The following GASK1A variants were observed in gnomAD, a reference collection of about 807,000 sequenced individuals.
The protein encoded by GASK1A is Golgi-associated kinase 1A.
Under a neutral mutation model 41.2 loss-of-function variants are expected in GASK1A, and 40 were observed. The ratio of observed to expected loss-of-function variants is 0.97; its 90% CI spans 0.75 to 1.27. The LOEUF (loss-of-function observed/expected upper bound fraction) is 1.27, where lower values mean the gene tolerates loss of function less well. Among genes scored for constraint, GASK1A ranks in the 50% most tolerant of loss-of-function variants. The pLI is 0.00. For synonymous variants in GASK1A, 316 were observed against 307.1 expected, an observed-to-expected ratio of 1.03 and a Z score of -0.30; for missense variants, 678 against 745.1, an observed-to-expected ratio of 0.91 and a Z score of 1.05.
intron 2 of GASK1A, among the ~76,000 whole-genome samples, chr3:43,040,754 T>C (rs950332654): frequency 6.6e-6 from 1 of 151,944 alleles, no homozygotes; most frequent in Non-Finnish European, 1.5e-5. Flanking sequence ...TATTATACTT[T>C]AAGTTTTAGG....
chr3:43,013,292 G>C (rs993254311), intron 1 of GASK1A, among the ~76,000 whole-genome samples: 1 of 151,944 alleles, frequency 6.6e-6, no homozygotes, highest in Non-Finnish European at 1.5e-5. Context: ...ATCGCAGGTA[G>C]AGGCTCTGTG....
chr3:42,993,506 T>C (rs929229357), intron 1 of GASK1A, among the ~76,000 whole-genome samples: 1 of 152,218 alleles, frequency 6.6e-6, no homozygotes, highest in Non-Finnish European at 1.5e-5. Flanking sequence ...TTCAATGTAA[T>C]TGATTATCTT....
chr3:43,017,451 G>A (rs1283074919), intron 1 of GASK1A, among the ~76,000 whole-genome samples: 1 of 151,076 alleles, frequency 6.6e-6, no homozygotes, highest in Non-Finnish European at 1.5e-5. Context: ...CACAAGAAAG[G>A]GCTGTGTGAG....
chr3:43,056,426 G>C lies in GASK1A; in HGVS notation c.*40G>C. 6.9e-7 allele frequency: 1 copy of C among 1,454,322 alleles called. No homozygotes were observed. Among genetic ancestry groups the C allele is most frequent in the South Asian group, 1.4e-5 (1 of 70,890 alleles). 90.1% of individuals were successfully genotyped at this position (1,454,322 alleles called of 1,614,324 possible). On this transcript the variant is annotated 3_prime_UTR_variant, in exon 5 of 5. Transcript: ENST00000430121. The stretch of plus-strand genomic sequence containing the variant: ...TGAGTCAATGAGCATCCATCCTGAT[G>C]GCCACATTTTCTTGGGCTCACTCAT...
At chr3:43,040,042 C>G (rs1040137399) in intron 2 of GASK1A, among the ~76,000 whole-genome samples, 2 of 151,960 alleles carry the variant, frequency 1.3e-5, no homozygotes, top group African/African-American at 2.4e-5. Context: ...TTAAAATGAC[C>G]AGGATTTTCT....
At chr3:43,021,719 G>C (rs1451726690) in intron 1 of GASK1A, among the ~76,000 whole-genome samples, 1 of 152,224 alleles carries the variant, frequency 6.6e-6, no homozygotes, top group Non-Finnish European at 1.5e-5. Context: ...CAGAGAGGTT[G>C]TGTGACTTGC....
chr3:43,002,411 C>T (rs2089414080), intron 1 of GASK1A, among the ~76,000 whole-genome samples: 1 of 152,178 alleles, frequency 6.6e-6, no homozygotes, highest in African/African-American at 2.4e-5. Flanking sequence ...TACTGTACCA[C>T]AATTTTTATG....
At chr3:43,030,221 C>T (rs1028288138) in intron 1 of GASK1A, among the ~76,000 whole-genome samples, 2 of 152,182 alleles carry the variant, frequency 1.3e-5, no homozygotes, top group Admixed American at 6.5e-5. Flanking sequence ...TGGCCAGGTT[C>T]GTCTCAAACT....
chr3:43,006,590 C>T (rs1483358346), intron 1 of GASK1A, among the ~76,000 whole-genome samples: 1 of 152,152 alleles, frequency 6.6e-6, no homozygotes, highest in Non-Finnish European at 1.5e-5. Context: ...TGGTATAAAA[C>T]TTGTTTTATT....
chr3:43,015,175 AGGGTG>A, intron 1 of GASK1A, among the ~76,000 whole-genome samples: 1 of 146,812 alleles, frequency 6.8e-6, no homozygotes, highest in South Asian at 2.2e-4. Flanking sequence ...AGAAAGGGGC[AGGGTG>A]GTGTGAAATA....
At chr3:42,992,326 T>C (rs543868933) in intron 1 of GASK1A, among the ~76,000 whole-genome samples, 2 of 152,216 alleles carry the variant, frequency 1.3e-5, no homozygotes, top group Non-Finnish European at 2.9e-5. Flanking sequence ...GGCATTTCAG[T>C]GAACCTTTAA....
At chr3:43,024,232 TTC>T (rs1272741775) in intron 1 of GASK1A, among the ~76,000 whole-genome samples, 1 of 152,138 alleles carries the variant, frequency 6.6e-6, no homozygotes, top group Non-Finnish European at 1.5e-5. Context: ...TTTATCAGCT[TTC>T]TGTCTGTCCT....
intron 1 of GASK1A, among the ~76,000 whole-genome samples, chr3:42,990,636 T>C (rs2089335865): frequency 6.6e-6 from 1 of 152,162 alleles, no homozygotes; most frequent in Non-Finnish European, 1.5e-5. Context: ...GCAGCCTACT[T>C]GTCTACTTAA....
At chr3:43,026,473 G>T (rs918603328) in intron 1 of GASK1A, among the ~76,000 whole-genome samples, 1 of 152,156 alleles carries the variant, frequency 6.6e-6, no homozygotes, top group African/African-American at 2.4e-5. Context: ...AATATTACCT[G>T]GAGACAGTGG....
chr3:43,019,903 T>C (rs889971152), intron 1 of GASK1A, among the ~76,000 whole-genome samples: 1 of 152,214 alleles, frequency 6.6e-6, no homozygotes, highest in Non-Finnish European at 1.5e-5. Flanking sequence ...ATGTGATCTG[T>C]CTTCTCTCCA....
At chr3:43,044,387 G>T (rs573394415) in intron 2 of GASK1A, among the ~76,000 whole-genome samples, 2 of 152,264 alleles carry the variant, frequency 1.3e-5, no homozygotes, top group East Asian at 1.9e-4. Context: ...CTGGGTGAGT[G>T]GGGGGTGAGG....
intron 1 of GASK1A, among the ~76,000 whole-genome samples, chr3:43,018,203 T>C (rs1412908418): frequency 6.6e-6 from 1 of 152,240 alleles, no homozygotes; most frequent in Non-Finnish European, 1.5e-5. Flanking sequence ...TCATCCTTGT[T>C]TGTGAAGTGA....
In GASK1A at chr3:43,032,363, C is replaced by A. The variant is rs1358139103; in HGVS notation, c.100C>A (p.Pro34Thr). 6.4e-7 allele frequency: 1 copy of A among 1,551,568 alleles called. No homozygotes were observed. Among genetic ancestry groups the A allele is most frequent in the Admixed American group, 2.0e-5 (1 of 50,996 alleles). ...ILSAMAVTRF[P>T]PQRPSAGPDP... ...ATCTGCGATGGCTGTCACCCGCTTT[C>A]CCCCACAGCGTCCATCCGCCGGCCC... Residue 34 changes from proline to threonine, a missense_variant, in exon 2 of 5, where the codon CCC (proline) becomes ACC (threonine). Coordinates refer to ENST00000430121, the MANE Select transcript of GASK1A (RefSeq NM_001129908.3).
chr3:43,039,359 C>T (rs1481552449), intron 2 of GASK1A, among the ~76,000 whole-genome samples: 3 of 152,046 alleles, frequency 2.0e-5, no homozygotes, highest in African/African-American at 7.3e-5. Context: ...CCCACCACCA[C>T]ACCTGGCTCA....
Sources: gnomAD v4.1 joint callset for allele counts (sites outside exome capture counted in the v4.1 genomes callset) on GRCh38, gnomAD v4.1.1 for gene constraint, MANE v1.5 for transcripts, NCBI Gene and HGNC (gene_info 2026-07-23, HGNC 2026-07-21) for gene names.